HOGA1: variants seen among roughly 807,000 people sequenced by gnomAD.
The protein encoded by HOGA1 is 4-hydroxy-2-oxoglutarate aldolase, mitochondrial.
Under a neutral mutation model 34.3 loss-of-function variants are expected in HOGA1, and 30 were observed. The observed-to-expected ratio is 0.87, with a 90% confidence interval of 0.65 to 1.19. The LOEUF (loss-of-function observed/expected upper bound fraction) is 1.19, where lower values mean the gene tolerates loss of function less well. Ranked by LOEUF, HOGA1 falls within the 50% of genes most tolerant of loss-of-function variation. The pLI, the probability that HOGA1 is intolerant of heterozygous loss-of-function variation, is 0.00. For synonymous variants in HOGA1, 161 were observed against 174.0 expected (o/e 0.93, Z 0.59); for missense variants, 417 against 436.5 (o/e 0.96, Z 0.40).
At chr10:97,589,879 G>GCTTC (rs1301561302) in intron 1 of HOGA1, 2 of 1,600,616 alleles carry the variant, frequency 1.2e-6, no homozygotes, top group Non-Finnish European at 1.7e-6. Context: ...CTGCCCTCTT[G>GCTTC]CTAGGAGGTG....
chr10:97,589,853 A>G (rs565197999), intron 1 of HOGA1: 1 of 1,473,860 alleles, frequency 6.8e-7, no homozygotes, highest in Non-Finnish European at 9.4e-7. Flanking sequence ...GCCATCATGC[A>G]AGGTGGTGCT....
rs748466591 is a variant in HOGA1 at position 97,599,058 on chromosome 10, C to T, written c.341-31C>T. On this transcript the variant is annotated intron_variant, in intron 2 of 6. Coordinates refer to ENST00000370646, the MANE Select transcript of HOGA1 (RefSeq NM_138413.4). ...GTGTCCTGGTCCAGGCCTCCTTCTG[C>T]CTGCTCTCACCTCTCTCCTTCCTCT... The T allele has an allele frequency of 3.1e-6, 5 of 1,610,806 alleles. No homozygotes were observed. The South Asian group carries it at 3.3e-5, about 11-fold the overall frequency.
intron 1 of HOGA1, chr10:97,590,176 C>T: frequency 1.2e-6 from 2 of 1,614,064 alleles, no homozygotes; most frequent in Non-Finnish European, 8.5e-7. Context: ...ACCGGGAATC[C>T]TTCACCAGCA....
chr10:97,599,033 G>GTGTCC (rs2041094411), intron 2 of HOGA1, 56 bp from the exon 3 acceptor site: 1 of 1,608,914 alleles, frequency 6.2e-7, no homozygotes, highest in Non-Finnish European at 8.5e-7. Context: ...GCTTGGCCCA[G>GTGTCC]TGTCCTGGTC....
At chr10:97,586,244 T>C (rs1256636245) in intron 1 of HOGA1, among the ~76,000 whole-genome samples, 1 of 152,008 alleles carries the variant, frequency 6.6e-6, no homozygotes, top group East Asian at 1.9e-4. Flanking sequence ...TATGGGATGG[T>C]TGGACAAAAA....
chr10:97,601,890 T>A lies in HOGA1; in HGVS notation c.734T>A (p.Val245Asp). Residue 245 changes from valine (V) to aspartate (D), a missense_variant, in exon 6 of 7, where the codon GTC becomes GAC. Physicochemically the swap from Val to Asp is radical, Grantham distance 152 (BLOSUM62 -3). Coordinates refer to ENST00000370646, the MANE Select transcript of HOGA1 (RefSeq NM_138413.4). Reference sequence around the variant, plus strand: ...GGGGGCGTCTGCGCCCTGGCCAATGTCCTGGGGGCTCAGGTGTGCCAGCTG... The same window carrying A: ...GGGGGCGTCTGCGCCCTGGCCAATGACCTGGGGGCTCAGGTGTGCCAGCTG... ...AVGGVCALAN[V>D]LGAQVCQLER... is the part of the protein sequence containing the mutation. 2 of 1,612,634 alleles carry A rather than the reference T, an allele frequency of 1.2e-6. No homozygotes were observed. The highest frequency in any genetic ancestry group is 1.1e-5 in the South Asian group (1 of 90,978).
chr10:97,586,485 T>C (rs144497800), intron 1 of HOGA1, among the ~76,000 whole-genome samples: 8 of 152,338 alleles, frequency 5.3e-5, no homozygotes, highest in Admixed American at 2.6e-4. Context: ...GAGGGCCACG[T>C]TGAGCAGGGC....
intron 1 of HOGA1, among the ~76,000 whole-genome samples, chr10:97,585,620 G>C (rs1417569171): frequency 6.6e-6 from 1 of 152,204 alleles, no homozygotes; most frequent in Non-Finnish European, 1.5e-5. Context: ...ATGGGAATCT[G>C]GGCCTCAGAG....
Position 97,584,515 on chromosome 10 carries a change from C to T in HOGA1, c.-189C>T. 2 of 594,954 alleles carry T rather than the reference C, an allele frequency of 3.4e-6. No individual in the cohort carries two copies. Among genetic ancestry groups the T allele is most frequent in the Non-Finnish European group, 5.9e-6 (2 of 336,448 alleles). The allele number at this position is 594,954 out of a possible 1,614,324, so 36.9% of individuals were successfully genotyped here. A position where few individuals can be genotyped will look rare whatever the true frequency, so the allele number is the denominator to read the frequency against. On this transcript the variant is annotated 5_prime_UTR_variant, in exon 1 of 7. Transcript: ENST00000370646. ...AGCTGCTACCCAGAAGGAACAGGGC[C>T]CCCTGGGGCCTATAGGCCTTGCCCC...
intron 5 of HOGA1, among the ~76,000 whole-genome samples, chr10:97,601,112 T>C (rs1402967034): frequency 6.6e-6 from 1 of 152,218 alleles, no homozygotes; most frequent in East Asian, 1.9e-4. Context: ...GCCATGCTGC[T>C]GTAGCGCGCC....
chr10:97,599,379 G>T, intron 3 of HOGA1, 163 bp downstream of exon 3: 1 of 808,870 alleles, frequency 1.2e-6, no homozygotes, highest in Non-Finnish European at 2.0e-6. Context: ...TGACCACTCT[G>T]TGTTACTGCT....
At chr10:97,596,166 C>T (rs2041069927) in intron 1 of HOGA1, among the ~76,000 whole-genome samples, 2 of 152,202 alleles carry the variant, frequency 1.3e-5, no homozygotes, top group Admixed American at 1.3e-4. Context: ...CTTCTTCCTT[C>T]TTGGGAGTCA....
intron 3 of HOGA1, chr10:97,599,438 G>T: frequency 1.4e-6 from 1 of 712,968 alleles, no homozygotes. Flanking sequence ...TCATAGGGTT[G>T]CAGTGAGCAT....
In HOGA1 at chr10:97,592,036, T is replaced by C. The variant is rs111676916; in HGVS notation, c.212-6739T>C. Among the ~76,000 whole-genome samples, 901 of 150,542 alleles carry C rather than the reference T, an allele frequency of 6.0e-3. 3 individuals are homozygous for C. The highest frequency in any genetic ancestry group is 8.6e-3 in the Admixed American group (130 of 15,050). On this transcript the variant is annotated intron_variant, in intron 1 of 6. Coordinates refer to ENST00000370646, the MANE Select transcript of HOGA1 (RefSeq NM_138413.4). ...TTTGTATTTTTAGTAGAGATGGGGT[T>C]TTGCCATGTTGCCCAGGCTGGATTA...
chr10:97,602,001 G>T lies in HOGA1; in HGVS notation c.834+11G>T. ...GAGCCAAACGCTGCGGTGAGCCAGTGGCAGCGGGGGCGCGGCCTGGCGGGG... is the reference window on the plus strand; with the variant it reads ...GAGCCAAACGCTGCGGTGAGCCAGTTGCAGCGGGGGCGCGGCCTGGCGGGG... On this transcript the variant is annotated intron_variant, in intron 6 of 6. Transcript: ENST00000370646. 6.2e-7 allele frequency: 1 copy of T among 1,608,228 alleles called. No individual in the cohort carries two copies. The highest frequency in any genetic ancestry group is 8.5e-7 in the Non-Finnish European group (1 of 1,177,804).
intron 1 of HOGA1, among the ~76,000 whole-genome samples, chr10:97,585,956 G>A (rs2040967597): frequency 1.3e-5 from 2 of 152,114 alleles, no homozygotes; most frequent in Non-Finnish European, 2.9e-5. Context: ...GGCCAACATA[G>A]TGAAACCCCG....
At position 97,603,744 on chromosome 10, in the gene HOGA1, G is replaced by A. The variant is rs1162498530; in HGVS notation, c.834+1754G>A. On this transcript the variant is annotated intron_variant, in intron 6 of 6. Transcript: ENST00000370646. The surrounding 1 kb of genome is among the most constrained non-coding windows in gnomAD (Gnocchi z 4.5). ...CACCCGGCTAATTTTTGTGCTTTTA[G>A]TGAAGACGGGTTTCACCATGTTGGC... Among the ~76,000 whole-genome samples the A allele has an allele frequency of 3.3e-5, 5 of 151,418 alleles. No individual in the cohort carries two copies. The highest frequency in any genetic ancestry group is 5.9e-5 in the Non-Finnish European group (4 of 67,818).
At chr10:97,601,753 A>T in intron 5 of HOGA1, 104 bp from the exon 6 acceptor site, 2 of 1,379,444 alleles carry the variant, frequency 1.4e-6, no homozygotes, top group Non-Finnish European at 2.1e-6. Flanking sequence ...GTGACATAGA[A>T]ATCTGTATCT....
At chr10:97,593,756 G>A (rs1334833065) in intron 1 of HOGA1, among the ~76,000 whole-genome samples, 3 of 152,166 alleles carry the variant, frequency 2.0e-5, no homozygotes, top group South Asian at 4.1e-4. Flanking sequence ...AGAATGCTGG[G>A]TAGCCGACTT....
Sources: gnomAD v4.1 joint callset for allele counts (sites outside exome capture counted in the v4.1 genomes callset) on GRCh38, gnomAD v4.1.1 for gene constraint, Gnocchi (gnomAD v3.1) non-coding constraint, MANE v1.5 for transcripts, NCBI Gene and HGNC (gene_info 2026-07-23, HGNC 2026-07-21) for gene names.